The following PLEKHA7 variants were observed in gnomAD, a reference collection of about 807,000 sequenced individuals.
The protein encoded by PLEKHA7 is pleckstrin homology domain containing A7, also known as pleckstrin homology domain-containing family A member 7.
A neutral mutation model predicts 170.0 loss-of-function variants in PLEKHA7; 104 were observed. That is an observed-to-expected ratio of 0.61 (90% CI 0.52 to 0.72). The LOEUF (loss-of-function observed/expected upper bound fraction) is 0.72. Among genes scored for constraint, PLEKHA7 ranks in the 30% least tolerant of loss-of-function variants. The probability of loss-of-function intolerance (pLI) is 0.00; values close to 1 mark genes in which losing one functional copy is unlikely to be tolerated. For missense variants in PLEKHA7, 1,615 were observed against 1,671.7 expected, an observed-to-expected ratio of 0.97 and a Z score of 0.59; for synonymous variants, 648 against 660.8, an observed-to-expected ratio of 0.98 and a Z score of 0.30.
At chr11:16,970,002 G>A (rs574697706) in intron 3 of PLEKHA7, among the ~76,000 whole-genome samples, 1 of 152,344 alleles carries the variant, frequency 6.6e-6, no homozygotes, top group South Asian at 2.1e-4. Context: ...CAAGTTTCAT[G>A]AGGGAACAAG....
intron 3 of PLEKHA7, among the ~76,000 whole-genome samples, chr11:16,903,071 T>G (rs939915492): frequency 6.6e-6 from 1 of 152,242 alleles, no homozygotes; most frequent in African/African-American, 2.4e-5. Context: ...CTTGTTTTAG[T>G]TATCATTGCC....
chr11:16,929,573 G>A (rs2136314525), intron 3 of PLEKHA7, among the ~76,000 whole-genome samples: 1 of 152,358 alleles, frequency 6.6e-6, no homozygotes, highest in East Asian at 1.9e-4. Flanking sequence ...GTAATAACTG[G>A]TTGGGTGATC....
At chr11:16,878,202 C>G (rs1048957912) in intron 3 of PLEKHA7, among the ~76,000 whole-genome samples, 1 of 152,144 alleles carries the variant, frequency 6.6e-6, no homozygotes, top group African/African-American at 2.4e-5. Context: ...CATCCACACT[C>G]CTCTCCATCT....
chr11:16,913,327 T>C (rs1858393963), intron 3 of PLEKHA7, among the ~76,000 whole-genome samples: 1 of 152,114 alleles, frequency 6.6e-6, no homozygotes, highest in Non-Finnish European at 1.5e-5. Context: ...CCCCCACAAG[T>C]TCTGCAGAGG....
chr11:17,014,381 C>A lies in PLEKHA7; in HGVS notation c.21G>T (p.Gly7=). 1 of 1,387,346 alleles carries A rather than the reference C, an allele frequency of 7.2e-7. No homozygotes were observed. The highest frequency in any genetic ancestry group is 9.4e-7 in the Non-Finnish European group (1 of 1,060,980). 85.9% of individuals were successfully genotyped at this position (1,387,346 alleles called of 1,614,324 possible). A position where few individuals can be genotyped will look rare whatever the true frequency, so the allele number is the denominator to read the frequency against. Residue 7 remains glycine (G), a synonymous_variant, in exon 1 of 27, where the codon GGG becomes GGT. Coordinates refer to ENST00000531066, the MANE Select transcript of PLEKHA7 (RefSeq NM_001329630.2). ...ACCAATGCTCAGGTAAAGTGTCCCG[C>A]CCGACCGTCGCCGCCGCCATGTTCG... MAAATV[G]RDTLPEHWSY...
At chr11:16,816,754 G>A (rs201392037) in intron 11 of PLEKHA7, 46 bp downstream of exon 11, 50 of 1,589,366 alleles carry the variant, frequency 3.1e-5, no homozygotes, top group South Asian at 1.1e-4. Flanking sequence ...AGCTCCTGGC[G>A]CCCTCATGAT....
chr11:16,885,132 G>A (rs144746367), intron 3 of PLEKHA7, among the ~76,000 whole-genome samples: 13,011 of 152,164 alleles, frequency 0.086, 770 homozygotes, highest in Non-Finnish European at 0.13. Flanking sequence ...TTTGAGGTCA[G>A]GAGTTCAAGA....
intron 3 of PLEKHA7, among the ~76,000 whole-genome samples, chr11:16,959,279 G>A (rs1469641811): frequency 1.3e-5 from 2 of 151,726 alleles, no homozygotes; most frequent in African/African-American, 2.4e-5. Flanking sequence ...TTGCTCTCAT[G>A]AGTTCCCATC....
intron 1 of PLEKHA7, 40 bp downstream of exon 1, chr11:17,014,276 C>G: frequency 7.1e-7 from 1 of 1,412,588 alleles, no homozygotes; most frequent in African/African-American, 1.5e-5. Context: ...CCCCCGCGCC[C>G]CCACCCGCGT....
At chr11:16,893,151 G>A (rs1005709143) in intron 3 of PLEKHA7, among the ~76,000 whole-genome samples, 2 of 152,054 alleles carry the variant, frequency 1.3e-5, no homozygotes, top group African/African-American at 2.4e-5. Flanking sequence ...AACACTACAA[G>A]GTATTATCAT....
In PLEKHA7 at chr11:16,817,102, G is replaced by C. The variant is rs748371339; in HGVS notation, c.1564C>G (p.Gln522Glu). The C allele has an allele frequency of 6.2e-7, 1 of 1,614,020 alleles. No homozygotes were observed. Among genetic ancestry groups the C allele is most frequent in the Admixed American group, 1.7e-5 (1 of 60,018 alleles). The change falls in exon 11 of 27, where the codon CAG (glutamine) becomes GAG (glutamate). Residue 522 changes from glutamine (Q) to glutamate (E), a missense_variant. Coordinates refer to ENST00000531066, the MANE Select transcript of PLEKHA7 (RefSeq NM_001329630.2). This position sits in a 1 kb window ranked among gnomAD's most constrained non-coding sequence, Gnocchi z 4.4. ...RRAHRDGTVW[Q>E]LYEWQQRQQF... The stretch of plus-strand genomic sequence containing the variant: ...TGGCGCTGCTGCCACTCGTAGAGCT[G>C]CCACACGGTGCCATCCCGGTGCGCC...
At chr11:16,825,375 T>C (rs1850556366) in intron 10 of PLEKHA7, among the ~76,000 whole-genome samples, 1 of 152,248 alleles carries the variant, frequency 6.6e-6, no homozygotes, top group African/African-American at 2.4e-5. Flanking sequence ...GGGAGCTCTC[T>C]GAATGCACAT....
At chr11:16,938,003 GCAGAAA>G (rs968772480) in intron 3 of PLEKHA7, among the ~76,000 whole-genome samples, 1 of 152,158 alleles carries the variant, frequency 6.6e-6, no homozygotes, top group Admixed American at 6.5e-5. Context: ...GTGCAGCTCA[GCAGAAA>G]CACAGACCCT....
intron 9 of PLEKHA7, among the ~76,000 whole-genome samples, chr11:16,828,458 A>C (rs1474661527): frequency 3.9e-5 from 6 of 152,164 alleles, no homozygotes; most frequent in African/African-American, 1.4e-4. Context: ...TCCTTTATAA[A>C]TTACCCATTC....
At chr11:16,969,409 T>C (rs1238308786) in intron 3 of PLEKHA7, among the ~76,000 whole-genome samples, 1 of 152,220 alleles carries the variant, frequency 6.6e-6, no homozygotes, top group Non-Finnish European at 1.5e-5. Flanking sequence ...GATTACATCT[T>C]AATAGGGAAC....
At chr11:16,850,040 C>G (rs4756871) in intron 8 of PLEKHA7, among the ~76,000 whole-genome samples, 22,766 of 152,224 alleles carry the variant, frequency 0.15, 2,265 homozygotes, top group Non-Finnish European at 0.23. Flanking sequence ...GATAGAGACT[C>G]TCACTTTGCA....
At chr11:16,786,677 C>T (rs1849418732) in intron 23 of PLEKHA7, 1 of 985,376 alleles carries the variant, frequency 1.0e-6, no homozygotes, top group South Asian at 4.7e-5. Context: ...AGAAGGCTCC[C>T]AGAGAGGGTG....
At chr11:16,805,037 T>A (rs1158151901) in intron 13 of PLEKHA7, among the ~76,000 whole-genome samples, 1 of 152,214 alleles carries the variant, frequency 6.6e-6, no homozygotes, top group Non-Finnish European at 1.5e-5. Context: ...AAGTCTTCGC[T>A]CTATGCCATC....
At chr11:17,013,329 G>A (rs1000613382) in intron 3 of PLEKHA7, 1 of 152,336 alleles carries the variant, frequency 6.6e-6, no homozygotes, top group African/African-American at 2.4e-5. Flanking sequence ...CGGAAAAGTC[G>A]CCCGTGGACT....
Sources: allele counts gnomAD v4.1 joint callset (sites outside exome capture counted in the v4.1 genomes callset), GRCh38; gene constraint gnomAD v4.1.1; non-coding constraint Gnocchi (gnomAD v3.1); transcripts MANE v1.5; gene names NCBI Gene and HGNC (gene_info 2026-07-23, HGNC 2026-07-21).